RTN2: variants seen among roughly 807,000 people sequenced by gnomAD.
The protein encoded by RTN2 is reticulon 2, also known as reticulon-2.
Under a neutral mutation model 63.7 loss-of-function variants are expected in RTN2, and 36 were observed. The ratio of observed to expected loss-of-function variants is 0.56; its 90% CI spans 0.43 to 0.75. The LOEUF is 0.75. Ranked by LOEUF, RTN2 falls within the 30% of genes least tolerant of loss-of-function variation. The pLI is 0.00. For missense variants in RTN2, 673 were observed against 705.1 expected, an observed-to-expected ratio of 0.95 and a Z score of 0.52; for synonymous variants, 312 against 313.0, an observed-to-expected ratio of 1.00 and a Z score of 0.03.
chr19:45,488,839 C>T lies in RTN2; in HGVS notation c.1380+9G>A, dbSNP rs2122209969. 1 of 1,600,726 alleles carries T rather than the reference C, an allele frequency of 6.2e-7. No individual in the cohort carries two copies. The stretch of plus-strand genomic sequence containing the variant: ...GGGAACCCAGGAGGGGCTGAGAGCT[C>T]CAGGCCACCTTGAGGGAATCCACGA... On this transcript the variant is annotated intron_variant, in intron 7 of 10. Transcript: ENST00000245923.
intron 4 of RTN2, 78 bp from the exon 5 acceptor site, chr19:45,493,456 T>G: frequency 9.4e-7 from 1 of 1,059,702 alleles, no homozygotes; most frequent in Non-Finnish European, 1.4e-6. Flanking sequence ...AAAAAGAGGG[T>G]TTTTGTTTGT....
chr19:45,489,099 C>G, intron 6 of RTN2, 113 bp from the exon 7 acceptor site: 2 of 1,234,008 alleles, frequency 1.6e-6, no homozygotes, highest in Non-Finnish European at 2.3e-6. Context: ...AGAGTTAGGA[C>G]TGAGGGGCAG....
intron 9 of RTN2, 38 bp from the exon 10 acceptor site, chr19:45,486,151 G>C: frequency 6.3e-7 from 1 of 1,591,272 alleles, no homozygotes; most frequent in South Asian, 1.1e-5. Context: ...AGGGATTGGA[G>C]GGGTTTCTTC....
At chr19:45,496,438 C>T (rs1968270113) in intron 1 of RTN2, among the ~76,000 whole-genome samples, 1 of 152,242 alleles carries the variant, frequency 6.6e-6, no homozygotes, top group Non-Finnish European at 1.5e-5. Context: ...TCCATCCTGG[C>T]TCTACCCTCC....
intron 5 of RTN2, among the ~76,000 whole-genome samples, chr19:45,490,520 G>A (rs1324107934): frequency 3.5e-5 from 5 of 142,408 alleles, no homozygotes; most frequent in Non-Finnish European, 6.2e-5. Flanking sequence ...ATTGCTGGGT[G>A]GACTGGTTGT....
At position 45,489,006 on chromosome 19, in the gene RTN2, T is replaced by G. The variant is rs1354187016; in HGVS notation, c.1242-20A>C. On this transcript the variant is annotated intron_variant, in intron 6 of 10. Coordinates refer to ENST00000245923, the MANE Select transcript of RTN2 (RefSeq NM_005619.5). ...TAGGCCCTGCGGGGACAAAGGAGTG[T>G]GGGGCGACTCAGTGGGTGACCAGCT... 8 of 1,607,956 alleles carry G rather than the reference T, an allele frequency of 5.0e-6. No homozygotes were observed. Among genetic ancestry groups the G allele is most frequent in the Non-Finnish European group, 5.1e-6 (6 of 1,177,748 alleles).
At chr19:45,496,687 TCCC>T in intron 1 of RTN2, 102 bp downstream of exon 1, 1 of 707,484 alleles carries the variant, frequency 1.4e-6, no homozygotes, top group Non-Finnish European at 2.1e-6. Flanking sequence ...CTATGCCTCC[TCCC>T]CCCATCCCGG....
chr19:45,486,538 G>T (rs934729858), intron 9 of RTN2, among the ~76,000 whole-genome samples: 1 of 151,916 alleles, frequency 6.6e-6, no homozygotes, highest in African/African-American at 2.4e-5. Flanking sequence ...TTGAGACAGG[G>T]TCTCGCTCTG....
At chr19:45,492,303 C>T (rs1369124717) in intron 5 of RTN2, among the ~76,000 whole-genome samples, 1 of 152,118 alleles carries the variant, frequency 6.6e-6, no homozygotes, top group Non-Finnish European at 1.5e-5. Context: ...CCTGTAATCA[C>T]AACACTTTGG....
chr19:45,494,927 G>C lies in RTN2; in HGVS notation c.158C>G (p.Ser53Trp). ...CTCCCGGGGGGTGCCCCAGTCCTGCGACGTGGTCTCCTCCTCGTCCTCCTC... is the reference window on the plus strand; with the variant it reads ...CTCCCGGGGGGTGCCCCAGTCCTGCCACGTGGTCTCCTCCTCGTCCTCCTC... The part of the protein sequence containing the change: ...FSEEDEEETT[S>W]QDWGTPRELT... The change falls in exon 3 of 11, where the codon TCG becomes TGG. Residue 53 changes from serine to tryptophan, a missense_variant. Physicochemically the swap from Ser to Trp is radical, Grantham distance 177. Coordinates refer to ENST00000245923, the MANE Select transcript of RTN2 (RefSeq NM_005619.5). The surrounding 1 kb of genome is among the most constrained non-coding windows in gnomAD (Gnocchi z 5.3). The C allele has an allele frequency of 6.2e-7, 1 of 1,613,712 alleles. No homozygotes were observed. The highest frequency in any genetic ancestry group is 1.1e-5 in the South Asian group (1 of 91,074).
chr19:45,486,354 C>T (rs1968020785), intron 9 of RTN2, among the ~76,000 whole-genome samples: 1 of 152,138 alleles, frequency 6.6e-6, no homozygotes. Flanking sequence ...AAGTATCTGG[C>T]AGTGAGGCCG....
chr19:45,487,583 G>GTTTTTTTTTTTTTTTTTTTTTTTTTTGT (rs4031036), intron 9 of RTN2, among the ~76,000 whole-genome samples: 2 of 105,754 alleles, frequency 1.9e-5, no homozygotes, highest in Non-Finnish European at 3.7e-5. Flanking sequence ...TTATTTTTTG[G>GTTTTTTTTTTTTTTTTTTTTTTTTTTGT]TTTTTTTTTT....
chr19:45,486,083 T>C lies in RTN2; in HGVS notation c.1528A>G (p.Thr510Ala). The C allele has an allele frequency of 6.2e-7, 1 of 1,614,044 alleles. No individual in the cohort carries two copies. The highest frequency in any genetic ancestry group is 8.5e-7 in the Non-Finnish European group (1 of 1,180,000). Reference protein sequence around the residue: ...AQIDQYVGLVTNQLSHIKAKI... With the variant: ...AQIDQYVGLVANQLSHIKAKI... ...GCTTTGATGTGGCTCAACTGATTGGTCACCAACCCCACATATTGGTCGATC... is the reference window on the plus strand; with the variant it reads ...GCTTTGATGTGGCTCAACTGATTGGCCACCAACCCCACATATTGGTCGATC... The change falls in exon 10 of 11, where the codon ACC becomes GCC. Residue 510 changes from threonine (T) to alanine (A), a missense_variant. Transcript: ENST00000245923.
intron 5 of RTN2, among the ~76,000 whole-genome samples, chr19:45,491,975 T>G (rs1167988687): frequency 6.6e-6 from 1 of 152,164 alleles, no homozygotes; most frequent in African/African-American, 2.4e-5. Flanking sequence ...TGCTTACTAG[T>G]AAGACCATAA....
chr19:45,485,850 G>A, intron 10 of RTN2, 61 bp from the exon 11 acceptor site: 1 of 1,393,206 alleles, frequency 7.2e-7, no homozygotes, highest in Non-Finnish European at 1.0e-6. Context: ...GGCATCTGGG[G>A]ACAACGGGGA....
rs148630935 is a variant in RTN2 at position 45,485,753 on chromosome 19, G to A, written c.1593C>T (p.Ala531=). ...RAKIPGTGAL[A]SAAAAVSGSK... The stretch of plus-strand genomic sequence containing the variant: ...ATCCGGAGACTGCGGCTGCTGCAGA[G>A]GCCAGGGCTCCGGTCCCTGGGATTT... Residue 531 remains alanine (A), a synonymous_variant, in exon 11 of 11, where the codon GCC becomes GCT. Transcript: ENST00000245923. 1.3e-3 allele frequency: 2,163 copies of A among 1,614,066 alleles called. 33 individuals are homozygous for A. In the African/African-American group the frequency reaches 0.024, roughly 18 times the overall value.
chr19:45,488,548 G>A, intron 8 of RTN2, 31 bp from the exon 9 acceptor site: 1 of 1,613,964 alleles, frequency 6.2e-7, no homozygotes, highest in Non-Finnish European at 8.5e-7. Flanking sequence ...GCGTCAGGGT[G>A]TTCCCAAGAG....
intron 4 of RTN2, among the ~76,000 whole-genome samples, chr19:45,493,714 G>T (rs1349236893): frequency 2.0e-5 from 3 of 152,202 alleles, no homozygotes; most frequent in Admixed American, 6.5e-5. Flanking sequence ...GCCACTAGGA[G>T]GAGCACTCCA....
intron 9 of RTN2, among the ~76,000 whole-genome samples, chr19:45,486,907 G>T (rs938820522): frequency 6.7e-6 from 1 of 149,680 alleles, no homozygotes; most frequent in African/African-American, 2.5e-5. Context: ...GCTAATTTTT[G>T]GATTTTTAAT....
Sources: gnomAD v4.1 joint callset for allele counts (sites outside exome capture counted in the v4.1 genomes callset) on GRCh38, gnomAD v4.1.1 for gene constraint, Gnocchi (gnomAD v3.1) non-coding constraint, MANE v1.5 for transcripts, NCBI Gene and HGNC (gene_info 2026-07-23, HGNC 2026-07-21) for gene names.